Variants in DYNC2I1 observed in about 807,000 individuals in gnomAD.
DYNC2I1 encodes the protein cytoplasmic dynein 2 intermediate chain 1.
A neutral mutation model predicts 133.4 loss-of-function variants in DYNC2I1; 89 were observed. The ratio of observed to expected loss-of-function variants is 0.67; its 90% CI spans 0.56 to 0.80. DYNC2I1 has a LOEUF of 0.80. DYNC2I1 is among the 30% of genes least tolerant of loss of function. The probability of loss-of-function intolerance (pLI) is 0.00; values close to 1 mark genes in which losing one functional copy is unlikely to be tolerated. For synonymous variants in DYNC2I1, 504 were observed against 484.3 expected (o/e 1.04, Z -0.54); for missense variants, 1,291 against 1,314.5 (o/e 0.98, Z 0.28).
At chr7:158,924,573 C>T (rs1163817091) in intron 17 of DYNC2I1, among the ~76,000 whole-genome samples, 1 of 152,184 alleles carries the variant, frequency 6.6e-6, no homozygotes, top group Non-Finnish European at 1.5e-5. Flanking sequence ...ACTGTTAAGG[C>T]TGTTTGAATT....
chr7:158,945,483 T>A lies in DYNC2I1; in HGVS notation c.3003-98T>A. ...GTATTTTTAGAATTTCTCATCCGTT[T>A]CACTCTTCCCATGGAAGGTAGACAT... is the stretch of plus-strand genomic sequence containing the variant. On this transcript the variant is annotated intron_variant, in intron 24 of 24. Transcript: ENST00000407559. The surrounding 1 kb of genome is among the most constrained non-coding windows in gnomAD (Gnocchi z 4.1). 7.7e-7 allele frequency: 1 copy of A among 1,299,592 alleles called. No individual in the cohort carries two copies. Among genetic ancestry groups the A allele is most frequent in the Non-Finnish European group, 1.0e-6 (1 of 956,808 alleles). The allele number at this position is 1,299,592 out of a possible 1,614,324, so 80.5% of individuals were successfully genotyped here.
At position 158,876,683 on chromosome 7, in the gene DYNC2I1, G is replaced by A; in HGVS notation, c.565G>A (p.Glu189Lys). Residue 189 changes from glutamate to lysine, a missense_variant, in exon 4 of 25, where the codon GAA (glutamate) becomes AAA (lysine). Physicochemically the swap from Glu to Lys is moderately conservative, Grantham distance 56. Coordinates refer to ENST00000407559, the MANE Select transcript of DYNC2I1 (RefSeq NM_018051.5). The stretch of plus-strand genomic sequence containing the variant: ...TGAAGATAGAGAAAGAAGATACCGA[G>A]AAAGAAAGGTATACGAAGCAAGGCC... Reference protein sequence around the residue: ...GDEDRERRYRERKLQYGDSKD... With the variant: ...GDEDRERRYRKRKLQYGDSKD... 6.4e-7 allele frequency: 1 copy of A among 1,569,726 alleles called. No individual in the cohort carries two copies.
chr7:158,839,806 T>C, the DYNC2I1 span, among the ~76,000 whole-genome samples: 48 of 146,256 alleles, frequency 3.3e-4, no homozygotes, highest in South Asian at 0.01. Flanking sequence ...GGGGACAGAA[T>C]GAGACTCCGT....
chr7:158,864,398 C>G (rs1842216924), intron 1 of DYNC2I1, among the ~76,000 whole-genome samples: 1 of 152,072 alleles, frequency 6.6e-6, no homozygotes, highest in African/African-American at 2.4e-5. Flanking sequence ...TTGCACAGAG[C>G]TAGTGGTCAT....
chr7:158,854,204 C>G (rs1414519992), upstream of DYNC2I1, among the ~76,000 whole-genome samples: 2 of 152,100 alleles, frequency 1.3e-5, no homozygotes, highest in African/African-American at 4.8e-5. Context: ...AAAAATGTCT[C>G]AAGCACCAAT....
At chr7:158,889,463 T>G (rs1844970165) in intron 7 of DYNC2I1, among the ~76,000 whole-genome samples, 1 of 152,134 alleles carries the variant, frequency 6.6e-6, no homozygotes, top group African/African-American at 2.4e-5. Context: ...TGTGGATACA[T>G]TTCTTGAAGT....
rs554183483 is a variant in DYNC2I1 at position 158,909,223 on chromosome 7, C to T, written c.1461-2327C>T. ...GCACATGCCTGTAATCCCAGCCACTCGGGAGGCTGAGGCAGGAGAATTGCT... is the reference window on the plus strand; with the variant it reads ...GCACATGCCTGTAATCCCAGCCACTTGGGAGGCTGAGGCAGGAGAATTGCT... On this transcript the variant is annotated intron_variant, in intron 11 of 24. Transcript: ENST00000407559. Among the ~76,000 whole-genome samples, 6 of 147,138 alleles carry T rather than the reference C, an allele frequency of 4.1e-5. No individual in the cohort carries two copies. The East Asian group carries it at 8.4e-4, about 21-fold the overall frequency.
At chr7:158,949,162 G>A (rs566567185), downstream of DYNC2I1, among the ~76,000 whole-genome samples, 6 of 152,158 alleles carry the variant, frequency 3.9e-5, no homozygotes, top group Non-Finnish European at 8.8e-5. Flanking sequence ...TCCTCTTGGA[G>A]ACTCAACACC....
At chr7:158,844,724 C>T in the DYNC2I1 span, among the ~76,000 whole-genome samples, 1 of 152,040 alleles carries the variant, frequency 6.6e-6, no homozygotes. Context: ...CAGGTTCAAG[C>T]GATTCTCCTG....
At position 158,926,992 on chromosome 7, in the gene DYNC2I1, G is replaced by A; in HGVS notation, c.2434G>A (p.Val812Met). The A allele has an allele frequency of 6.3e-7, 1 of 1,599,672 alleles. No homozygotes were observed. Among genetic ancestry groups the A allele is most frequent in the Non-Finnish European group, 8.5e-7 (1 of 1,171,352 alleles). The stretch of plus-strand genomic sequence containing the variant: ...TTCATTTTCAATATTCTGTTTTTAG[G>A]TGGTTGTTGAATTACCAAAGGCAGA... Reference protein sequence around the residue: ...LDESGVLNVWVVVELPKADIA... With the variant: ...LDESGVLNVWMVVELPKADIA... The change falls in exon 20 of 25, where the codon GTG becomes ATG. Residue 812 changes from valine (V) to methionine (M), a missense_variant and splice_region_variant. Transcript: ENST00000407559.
intron 3 of DYNC2I1, among the ~76,000 whole-genome samples, chr7:158,874,108 G>A (rs1843126459): frequency 1.3e-5 from 2 of 152,132 alleles, no homozygotes; most frequent in Admixed American, 1.3e-4. Flanking sequence ...GGCTCCACAT[G>A]TTGCCCAGGC....
At chr7:158,907,385 A>G (rs1410172223) in intron 11 of DYNC2I1, among the ~76,000 whole-genome samples, 1 of 149,812 alleles carries the variant, frequency 6.7e-6, no homozygotes, top group Non-Finnish European at 1.5e-5. Context: ...TATGTTGTTT[A>G]GACTCATATA....
intron 3 of DYNC2I1, among the ~76,000 whole-genome samples, chr7:158,873,443 G>A (rs1843058230): frequency 6.6e-6 from 1 of 152,138 alleles, no homozygotes. Context: ...GTGGCCATTT[G>A]AGTCGTTTGA....
chr7:158,871,737 C>T (rs1264849361), intron 3 of DYNC2I1, among the ~76,000 whole-genome samples, 175 bp downstream of exon 3: 2 of 152,116 alleles, frequency 1.3e-5, no homozygotes, highest in Non-Finnish European at 2.9e-5. Flanking sequence ...GTGGTGCCAT[C>T]ACAGCTCACG....
intron 3 of DYNC2I1, among the ~76,000 whole-genome samples, chr7:158,873,952 T>G (rs1429665759): frequency 6.6e-6 from 1 of 151,668 alleles, no homozygotes; most frequent in Non-Finnish European, 1.5e-5. Flanking sequence ...GCGACGGGGG[T>G]TTCACCATGT....
intron 11 of DYNC2I1, 42 bp downstream of exon 11, chr7:158,906,133 A>G (rs918538740): frequency 6.5e-7 from 1 of 1,532,092 alleles, no homozygotes; most frequent in Non-Finnish European, 8.9e-7. Flanking sequence ...TCAGGGTTTT[A>G]GCTTAACTTT....
chr7:158,934,282 T>C, intron 22 of DYNC2I1, 54 bp downstream of exon 22: 1 of 1,558,408 alleles, frequency 6.4e-7, no homozygotes, highest in Non-Finnish European at 8.7e-7. Flanking sequence ...TTTTCCTGAC[T>C]TACCTGATAA....
the DYNC2I1 span, among the ~76,000 whole-genome samples, chr7:158,842,502 C>G: frequency 6.6e-6 from 1 of 152,244 alleles, no homozygotes; most frequent in East Asian, 1.9e-4. Flanking sequence ...ATTAGCCTTT[C>G]TGGCCTGCAG....
intron 11 of DYNC2I1, among the ~76,000 whole-genome samples, chr7:158,908,962 T>A (rs564111320): frequency 6.6e-5 from 10 of 152,292 alleles, no homozygotes; most frequent in Non-Finnish European, 1.2e-4. Flanking sequence ...TATGAAAATA[T>A]GTCCTGTCAG....
Sources: allele counts gnomAD v4.1 joint callset (sites outside exome capture counted in the v4.1 genomes callset), GRCh38; gene constraint gnomAD v4.1.1; non-coding constraint Gnocchi (gnomAD v3.1); transcripts MANE v1.5; gene names NCBI Gene and HGNC (gene_info 2026-07-23, HGNC 2026-07-21).